Variants in CAST observed in about 807,000 individuals in gnomAD.
The protein encoded by CAST is MIR583 host.
A neutral mutation model predicts 119.6 loss-of-function variants in CAST; 76 were observed. The ratio of observed to expected loss-of-function variants is 0.64; its 90% confidence interval spans 0.53 to 0.77. The LOEUF (loss-of-function observed/expected upper bound fraction) is 0.77. Among genes scored for constraint, CAST ranks in the 30% least tolerant of loss-of-function variants. CAST has a pLI of 0.00. For synonymous variants in CAST, 319 were observed against 331.6 expected, an observed-to-expected ratio of 0.96 and a Z score of 0.41; for missense variants, 953 against 946.5, an observed-to-expected ratio of 1.01 and a Z score of -0.09.
intron 3 of CAST, among the ~76,000 whole-genome samples, chr5:96,710,856 G>GTCCA (rs1224666630): frequency 6.6e-6 from 1 of 150,722 alleles, no homozygotes; most frequent in East Asian, 1.9e-4. Flanking sequence ...GCCCTAATGG[G>GTCCA]TCCACATCAC....
At chr5:96,603,689 C>G (rs1448978985) in intron 1 of CAST, among the ~76,000 whole-genome samples, 45 of 150,156 alleles carry the variant, frequency 3.0e-4, no homozygotes, top group Admixed American at 2.9e-3. Context: ...TATAATATAG[C>G]AAATACATAA....
chr5:96,045,677 T>C, the CAST span, among the ~76,000 whole-genome samples: 2 of 152,182 alleles, frequency 1.3e-5, no homozygotes, highest in Non-Finnish European at 2.9e-5. Flanking sequence ...ATGAGGCAGA[T>C]ACTATTATCA....
At chr5:96,560,962 A>C (rs1007042242) in intron 1 of CAST, among the ~76,000 whole-genome samples, 8 of 152,358 alleles carry the variant, frequency 5.3e-5, no homozygotes, top group Admixed American at 1.3e-4. Context: ...CAAATGTCCA[A>C]CAATGATAGA....
At chr5:96,704,536 A>C (rs1561493442) in intron 3 of CAST, among the ~76,000 whole-genome samples, 1 of 152,240 alleles carries the variant, frequency 6.6e-6, no homozygotes, top group Non-Finnish European at 1.5e-5. Flanking sequence ...ACTACTTCTT[A>C]GGTGGAAACA....
At chr5:96,039,404 T>C in the CAST span, among the ~76,000 whole-genome samples, 1 of 152,218 alleles carries the variant, frequency 6.6e-6, no homozygotes, top group African/African-American at 2.4e-5. Context: ...AATTTTGGCT[T>C]TTGTTGCCAT....
intron 1 of CAST, among the ~76,000 whole-genome samples, chr5:96,593,975 C>T (rs903701873): frequency 3.3e-5 from 5 of 152,214 alleles, no homozygotes; most frequent in African/African-American, 9.7e-5. Flanking sequence ...CTGCCCCATT[C>T]GCATAAATAA....
At chr5:96,620,709 T>C (rs1747586836) in intron 1 of CAST, among the ~76,000 whole-genome samples, 1 of 152,236 alleles carries the variant, frequency 6.6e-6, no homozygotes, top group South Asian at 2.1e-4. Flanking sequence ...ACCATTTTAC[T>C]ATCTTCGACA....
the CAST span, among the ~76,000 whole-genome samples, chr5:96,104,547 A>T: frequency 2.0e-5 from 3 of 151,902 alleles, no homozygotes; most frequent in Non-Finnish European, 4.4e-5. Flanking sequence ...ATAGTTGCAG[A>T]TATGCGGCGT....
At chr5:96,695,940 A>G (rs769897307) in intron 3 of CAST, 33 bp downstream of exon 3, 58 of 1,474,332 alleles carry the variant, frequency 3.9e-5, no homozygotes, top group East Asian at 1.1e-4. Flanking sequence ...AAAGACCCCT[A>G]CTGTATTCTA....
intron 1 of CAST, among the ~76,000 whole-genome samples, chr5:96,583,984 A>G (rs545680747): frequency 2.6e-5 from 4 of 152,284 alleles, no homozygotes; most frequent in Admixed American, 1.3e-4. Flanking sequence ...AAGATTTATT[A>G]ATGTTAACCA....
the CAST span, among the ~76,000 whole-genome samples, chr5:96,058,250 C>A: frequency 6.6e-6 from 1 of 152,094 alleles, no homozygotes; most frequent in African/African-American, 2.4e-5. Context: ...ATCACAACAC[C>A]TTCCCAGGGA....
intron 1 of CAST, among the ~76,000 whole-genome samples, chr5:96,592,831 C>T (rs1746987901): frequency 6.6e-6 from 1 of 151,466 alleles, no homozygotes; most frequent in South Asian, 2.1e-4. Context: ...GTGCCGTGAT[C>T]TCTGCTCACT....
chr5:96,511,695 A>G, the CAST span, among the ~76,000 whole-genome samples: 1 of 152,176 alleles, frequency 6.6e-6, no homozygotes, highest in African/African-American at 2.4e-5. Flanking sequence ...TCTACTCCTA[A>G]TTGCTCTGTT....
chr5:96,390,283 T>C, the CAST span: 1 of 152,234 alleles, frequency 6.6e-6, no homozygotes, highest in East Asian at 1.9e-4. Context: ...ACTGTCAGCT[T>C]TTCTTTTGTA....
At chr5:96,356,800 G>A in the CAST span, among the ~76,000 whole-genome samples, 1 of 152,134 alleles carries the variant, frequency 6.6e-6, no homozygotes, top group Non-Finnish European at 1.5e-5. Flanking sequence ...GCTTAGGATT[G>A]TCTTGGCTAT....
At chr5:96,662,014 CG>C (rs1351930518), upstream of CAST, 4 of 175,916 alleles carry the variant, frequency 2.3e-5, no homozygotes, top group Non-Finnish European at 4.7e-5. Flanking sequence ...GGAGGAGGGT[CG>C]AAGCGTAGAC....
At chr5:96,619,531 A>C (rs540290202) in intron 1 of CAST, among the ~76,000 whole-genome samples, 1 of 152,220 alleles carries the variant, frequency 6.6e-6, no homozygotes, top group African/African-American at 2.4e-5. Context: ...CCTCTTCCAC[A>C]GTGTGGTAGC....
chr5:96,346,639 C>T, the CAST span, among the ~76,000 whole-genome samples: 1 of 152,128 alleles, frequency 6.6e-6, no homozygotes, highest in South Asian at 2.1e-4. Context: ...AACACCCAAA[C>T]CTCATAATGT....
chr5:95,980,289 A>T, the CAST span: 2 of 152,184 alleles, frequency 1.3e-5, no homozygotes, highest in Non-Finnish European at 1.5e-5. Flanking sequence ...GCTGGCTTAT[A>T]TTTTCTGTGA....
Sources: allele counts gnomAD v4.1 joint callset (sites outside exome capture counted in the v4.1 genomes callset), GRCh38; gene constraint gnomAD v4.1.1; transcripts MANE v1.5; gene names NCBI Gene and HGNC (gene_info 2026-07-23, HGNC 2026-07-21).